The following ZFR2 variants were observed in gnomAD, a reference collection of about 807,000 sequenced individuals.
The protein encoded by ZFR2 is zinc finger RNA binding protein 2, also known as zinc finger RNA-binding protein 2.
In ZFR2, 104 loss-of-function variants were observed where a neutral mutation model predicts 105.7. The ratio of observed to expected loss-of-function variants is 0.98; its 90% CI spans 0.84 to 1.16. The LOEUF (loss-of-function observed/expected upper bound fraction) is 1.16, where lower values mean the gene tolerates loss of function less well. Among genes scored for constraint, ZFR2 ranks in the 50% most tolerant of loss-of-function variants. The pLI, the probability that ZFR2 is intolerant of heterozygous loss-of-function variation, is 0.00. For synonymous variants in ZFR2, 634 were observed against 597.7 expected (o/e 1.06, Z -0.89); for missense variants, 1,425 against 1,355.5 (o/e 1.05, Z -0.80).
At chr19:3,840,743 G>A (rs1373059742) in intron 1 of ZFR2, among the ~76,000 whole-genome samples, 8 of 151,974 alleles carry the variant, frequency 5.3e-5, no homozygotes, top group African/African-American at 1.9e-4. Context: ...TGTTGCCCAG[G>A]ATGACCTCCA....
intron 12 of ZFR2, among the ~76,000 whole-genome samples, chr19:3,817,384 ACC>A (rs2037836779): frequency 6.6e-6 from 1 of 151,306 alleles, no homozygotes; most frequent in Admixed American, 6.6e-5. Context: ...CATGGCGAAA[ACC>A]CATCTCTAAT....
intron 7 of ZFR2, 109 bp downstream of exon 7, chr19:3,825,121 C>T: frequency 2.3e-6 from 3 of 1,312,840 alleles, no homozygotes; most frequent in African/African-American, 1.5e-5. Context: ...CTCACCACCC[C>T]CCGGGAAGAC....
intron 12 of ZFR2, 117 bp downstream of exon 12, chr19:3,818,928 G>A (rs1026085461): frequency 6.1e-6 from 8 of 1,310,110 alleles, no homozygotes; most frequent in East Asian, 2.6e-5. Context: ...AAGCTGCCGC[G>A]GGCCACCGAC....
At position 3,823,338 on chromosome 19, in the gene ZFR2, C is replaced by T; in HGVS notation, c.1279G>A (p.Glu427Lys). Reference protein sequence around the residue: ...QWGKPAQPKLEGPGAPTQGGS... With the variant: ...QWGKPAQPKLKGPGAPTQGGS... ...CCTTGGGTAGGTGCTCCGGGACCCT[C>T]TAATTTAGGTTGGGCTGGTTTCCCC... Residue 427 changes from glutamate (E) to lysine (K), a missense_variant, in exon 8 of 19, where the codon GAG becomes AAG. By Grantham distance (56) the Glu-to-Lys change is moderately conservative. Coordinates refer to ENST00000262961, the MANE Select transcript of ZFR2 (RefSeq NM_015174.2). This position sits in a 1 kb window ranked among gnomAD's most constrained non-coding sequence, Gnocchi z 5.4. 6.2e-7 allele frequency: 1 copy of T among 1,613,986 alleles called. No homozygotes were observed. Among genetic ancestry groups the T allele is most frequent in the Non-Finnish European group, 8.5e-7 (1 of 1,179,876 alleles).
intron 1 of ZFR2, among the ~76,000 whole-genome samples, chr19:3,849,866 A>G (rs923688061): frequency 3.9e-5 from 6 of 152,204 alleles, no homozygotes; most frequent in Non-Finnish European, 7.4e-5. Flanking sequence ...CAACATGCAG[A>G]TGGCTGGACG....
intron 2 of ZFR2, 150 bp from the exon 3 acceptor site, chr19:3,833,928 CGGAGGCA>C (rs1303889058): frequency 3.7e-6 from 2 of 538,670 alleles, no homozygotes; most frequent in Non-Finnish European, 6.3e-6. Context: ...GGCCCTGGCC[CGGAGGCA>C]GGGGGCAGGG....
At chr19:3,820,770 G>A (rs1467415687) in intron 10 of ZFR2, among the ~76,000 whole-genome samples, 1 of 150,702 alleles carries the variant, frequency 6.6e-6, no homozygotes, top group Non-Finnish European at 1.5e-5. Context: ...CCAGGGGACA[G>A]AGGGACACCA....
At chr19:3,862,359 G>A (rs1354883583) in intron 1 of ZFR2, among the ~76,000 whole-genome samples, 7 of 152,232 alleles carry the variant, frequency 4.6e-5, no homozygotes, top group Admixed American at 2.0e-4. Flanking sequence ...GTGCAATGGC[G>A]CAATCTCAGC....
At chr19:3,864,928 T>G (rs1294759977) in intron 1 of ZFR2, among the ~76,000 whole-genome samples, 3 of 152,000 alleles carry the variant, frequency 2.0e-5, no homozygotes, top group Non-Finnish European at 4.4e-5. Context: ...TTTGTATGTT[T>G]AGTAGAGATT....
At chr19:3,868,184 G>A (rs942572987) in intron 1 of ZFR2, among the ~76,000 whole-genome samples, 1 of 148,364 alleles carries the variant, frequency 6.7e-6, no homozygotes, top group African/African-American at 2.5e-5. Flanking sequence ...ACCCTCCCAG[G>A]TTTCTGTCTT....
intron 17 of ZFR2, among the ~76,000 whole-genome samples, chr19:3,807,757 T>C (rs758924119): frequency 3.4e-5 from 5 of 148,374 alleles, no homozygotes; most frequent in African/African-American, 5.0e-5. Flanking sequence ...TGTGCATGCA[T>C]GTCCATGTGT....
intron 1 of ZFR2, among the ~76,000 whole-genome samples, chr19:3,841,318 T>C (rs1428321663): frequency 6.6e-6 from 1 of 152,214 alleles, no homozygotes; most frequent in African/African-American, 2.4e-5. Flanking sequence ...CTTCCTCTTC[T>C]GTGGGTCTGA....
intron 17 of ZFR2, among the ~76,000 whole-genome samples, chr19:3,807,813 C>T (rs7257659): frequency 0.15 from 21,430 of 145,780 alleles, 1,890 homozygotes; most frequent in Admixed American, 0.29. Context: ...AGCATGTCCA[C>T]GTGTGCCTGT....
In ZFR2 at chr19:3,834,720, T is replaced by C. The variant is rs2145164444; in HGVS notation, c.264+53A>G. The C allele has an allele frequency of 6.4e-7, 1 of 1,574,252 alleles. No homozygotes were observed. The highest frequency in any genetic ancestry group is 1.1e-5 in the South Asian group (1 of 87,810). The stretch of plus-strand genomic sequence containing the variant: ...GTGGGAAGCCCACCGCTCTCACCCA[T>C]GCAAGGCGACCCACGTTTCCCGGCA... On this transcript the variant is annotated intron_variant, in intron 2 of 18. Transcript: ENST00000262961. This position sits in a 1 kb window ranked among gnomAD's most constrained non-coding sequence, Gnocchi z 5.3.
At position 3,831,662 on chromosome 19, in the gene ZFR2, G is replaced by T. The variant is rs757662106; in HGVS notation, c.596C>A (p.Thr199Lys). 1 of 1,544,958 alleles carries T rather than the reference G, an allele frequency of 6.5e-7. No individual in the cohort carries two copies. The highest frequency in any genetic ancestry group is 1.4e-5 in the African/African-American group (1 of 73,836). ...TGGGCAAGGAACGCTGGTCTTACCC[G>T]TGTAGGCGGTGCAGGTGGGGTTGTA... ...PSYNPTCTAY[T>K]APSYPNYDAS... Residue 199 changes from threonine to lysine, a missense_variant and splice_region_variant, in exon 4 of 19, where the codon ACG becomes AAG. Transcript: ENST00000262961.
chr19:3,848,903 A>T (rs865823079), intron 1 of ZFR2, among the ~76,000 whole-genome samples: 14 of 152,082 alleles, frequency 9.2e-5, no homozygotes, highest in Admixed American at 3.9e-4. Context: ...CTGAGGCAGG[A>T]GAATGGCATG....
chr19:3,811,467 T>G, intron 14 of ZFR2, 101 bp from the exon 15 acceptor site: 1 of 1,112,690 alleles, frequency 9.0e-7, no homozygotes, highest in Non-Finnish European at 1.3e-6. Flanking sequence ...ACGCTTTTTT[T>G]TTTTTGAGAC....
Position 3,866,552 on chromosome 19 carries a change from T to C in ZFR2, c.53+2413A>G, listed in dbSNP as rs533344314. On this transcript the variant is annotated intron_variant, in intron 1 of 18. Transcript: ENST00000262961. ...TCAAATCAATGACAGAAGCCTCTAC[T>C]GAAGCTTAGCAATCACCTATTTGAA... is the stretch of plus-strand genomic sequence containing the variant. 7.2e-5 allele frequency among the ~76,000 whole-genome samples: 11 copies of C among 152,296 alleles called. No individual in the cohort carries two copies. The South Asian group carries it at 2.3e-3, about 32-fold the overall frequency.
At position 3,823,399 on chromosome 19, in the gene ZFR2, A is replaced by G. The variant is rs1159682087; in HGVS notation, c.1218T>C (p.Pro406=). 1 of 1,604,448 alleles carries G rather than the reference A, an allele frequency of 6.2e-7. No individual in the cohort carries two copies. The highest frequency in any genetic ancestry group is 1.1e-5 in the South Asian group (1 of 90,374). ...PVASKALCEG[P]PEPQAAGCRP... is the part of the protein sequence containing the mutation. Reference sequence around the variant, plus strand: ...TGCAGCCTGCTGCCTGTGGCTCAGGAGGCCCTGAGGGGAAAAACCATGTCA... The same window carrying G: ...TGCAGCCTGCTGCCTGTGGCTCAGGGGGCCCTGAGGGGAAAAACCATGTCA... Residue 406 remains proline, a synonymous_variant, in exon 8 of 19, where the codon CCT becomes CCC. Transcript: ENST00000262961. The surrounding 1 kb of genome is among the most constrained non-coding windows in gnomAD (Gnocchi z 5.4).
Sources: gnomAD v4.1 joint callset for allele counts (sites outside exome capture counted in the v4.1 genomes callset) on GRCh38, gnomAD v4.1.1 for gene constraint, Gnocchi (gnomAD v3.1) non-coding constraint, MANE v1.5 for transcripts, NCBI Gene and HGNC (gene_info 2026-07-23, HGNC 2026-07-21) for gene names.